The following COL4A1 variants were observed in gnomAD, a reference collection of about 807,000 sequenced individuals.
COL4A1 encodes collagen alpha-1(IV) chain.
In COL4A1, 40 loss-of-function variants were observed where a neutral mutation model predicts 216.6. That is an observed-to-expected ratio of 0.18 (90% CI 0.14 to 0.24). The LOEUF (loss-of-function observed/expected upper bound fraction) is 0.24. Among genes scored for constraint, COL4A1 ranks in the 10% least tolerant of loss-of-function variants. COL4A1 has a pLI of 1.00. For missense variants in COL4A1, 1,628 were observed against 2,196.8 expected (o/e 0.74, Z 5.18); for synonymous variants, 839 against 810.7 (o/e 1.03, Z -0.59).
chr13:110,260,961 C>T (rs188106917), intron 1 of COL4A1, among the ~76,000 whole-genome samples: 11 of 129,980 alleles, frequency 8.5e-5, no homozygotes, highest in Admixed American at 3.9e-4. Context: ...GGCGTGAACC[C>T]GAGAAGTGGA....
chr13:110,266,164 A>G (rs1483863096), intron 1 of COL4A1: 1 of 152,252 alleles, frequency 6.6e-6, no homozygotes, highest in African/African-American at 2.4e-5. Flanking sequence ...CACACAGCGA[A>G]AGATCGCCAC....
At chr13:110,214,595 A>G (rs564024026) in intron 2 of COL4A1, among the ~76,000 whole-genome samples, 1 of 152,268 alleles carries the variant, frequency 6.6e-6, no homozygotes, top group Admixed American at 6.5e-5. Flanking sequence ...AAAAGGCAGA[A>G]GAGAGGCCAA....
intron 15 of COL4A1, among the ~76,000 whole-genome samples, 181 bp from the exon 16 acceptor site, chr13:110,205,719 T>C (rs921980179): frequency 2.0e-5 from 3 of 151,936 alleles, no homozygotes; most frequent in Non-Finnish European, 4.4e-5. Flanking sequence ...AAAAATTAGC[T>C]GGGTGTGGTG....
chr13:110,228,845 G>T (rs181845283), intron 2 of COL4A1, among the ~76,000 whole-genome samples: 2 of 152,196 alleles, frequency 1.3e-5, no homozygotes, highest in African/African-American at 4.8e-5. Flanking sequence ...CAGATAAAAT[G>T]ATTTTAGGAA....
At chr13:110,161,914 T>C (rs1274506739) in intron 48 of COL4A1, 3 of 423,102 alleles carry the variant, frequency 7.1e-6, no homozygotes, top group Non-Finnish European at 8.7e-6. Flanking sequence ...AATTGTTAAG[T>C]GCACTCCAGG....
intron 2 of COL4A1, among the ~76,000 whole-genome samples, chr13:110,224,026 T>G (rs1220175504): frequency 2.0e-5 from 3 of 152,084 alleles, no homozygotes; most frequent in African/African-American, 7.2e-5. Flanking sequence ...AAAATATATA[T>G]GGAATACTAT....
intron 2 of COL4A1, among the ~76,000 whole-genome samples, chr13:110,237,221 G>A (rs1049094738): frequency 1.1e-4 from 16 of 152,216 alleles, no homozygotes; most frequent in Admixed American, 9.2e-4. Context: ...ATTCTGAGCC[G>A]TGTCTTCAGC....
At chr13:110,254,630 A>T (rs1336731142) in intron 1 of COL4A1, among the ~76,000 whole-genome samples, 1 of 152,132 alleles carries the variant, frequency 6.6e-6, no homozygotes, top group Non-Finnish European at 1.5e-5. Context: ...CAGTAGGACC[A>T]CTTTTTTTCC....
intron 1 of COL4A1, among the ~76,000 whole-genome samples, chr13:110,249,029 A>G (rs540435874): frequency 4.6e-5 from 7 of 152,162 alleles, no homozygotes; most frequent in African/African-American, 1.7e-4. Flanking sequence ...GGCTCTCCCC[A>G]GCTCCATGGA....
chr13:110,260,848 G>A (rs1467050846), intron 1 of COL4A1, among the ~76,000 whole-genome samples: 1 of 151,888 alleles, frequency 6.6e-6, no homozygotes, highest in East Asian at 1.9e-4. Context: ...AGGAGATGGA[G>A]ACCACGGTGA....
At chr13:110,192,140 A>T (rs1248848372) in intron 24 of COL4A1, 74 bp downstream of exon 24, 1 of 1,508,894 alleles carries the variant, frequency 6.6e-7, no homozygotes, top group African/African-American at 1.4e-5. Flanking sequence ...TTGCAAATGC[A>T]AAACGACACA....
intron 1 of COL4A1, among the ~76,000 whole-genome samples, chr13:110,282,649 T>C (rs1436134462): frequency 6.6e-6 from 1 of 152,184 alleles, no homozygotes; most frequent in East Asian, 1.9e-4. Context: ...TAACTGTGTG[T>C]CCTACCCTGG....
At position 110,307,072 on chromosome 13, in the gene COL4A1, G is replaced by A. The variant is rs1218152662; in HGVS notation, c.-45C>T. ...CGAGGGACGGCTGCCCGGCGTGCGG[G>A]GGCCGCGGCGGACAGCTAGCTCTCG... On this transcript the variant is annotated 5_prime_UTR_variant, in exon 1 of 52. Transcript: ENST00000375820. The surrounding 1 kb of genome is among the most constrained non-coding windows in gnomAD (Gnocchi z 5.0). 1.2e-5 allele frequency: 17 copies of A among 1,383,030 alleles called. No individual in the cohort carries two copies. Among genetic ancestry groups the A allele is most frequent in the Non-Finnish European group, 1.6e-5 (17 of 1,061,548 alleles). The allele number at this position is 1,383,030 out of a possible 1,614,324, so 85.7% of individuals were successfully genotyped here.
At chr13:110,210,337 C>G (rs564184022) in intron 8 of COL4A1, 125 bp from the exon 9 acceptor site, 1 of 878,238 alleles carries the variant, frequency 1.1e-6, no homozygotes, top group East Asian at 2.6e-5. Flanking sequence ...GATTTAGACC[C>G]CGTCTACACT....
intron 24 of COL4A1, among the ~76,000 whole-genome samples, chr13:110,188,404 C>T (rs1878492378): frequency 6.6e-6 from 1 of 152,230 alleles, no homozygotes; most frequent in African/African-American, 2.4e-5. Context: ...AATCTTTAGA[C>T]TGAAAATATG....
At chr13:110,273,504 C>T (rs768890927) in intron 1 of COL4A1, among the ~76,000 whole-genome samples, 2 of 152,216 alleles carry the variant, frequency 1.3e-5, no homozygotes, top group Non-Finnish European at 2.9e-5. Context: ...AGTCTTCAGA[C>T]AGCCGAGCTC....
intron 1 of COL4A1, among the ~76,000 whole-genome samples, chr13:110,283,597 C>T (rs1462410928): frequency 6.6e-6 from 1 of 152,238 alleles, no homozygotes; most frequent in Non-Finnish European, 1.5e-5. Context: ...CACTCCCTCA[C>T]ATACAGGCAC....
In COL4A1 at chr13:110,161,186, A is replaced by G; in HGVS notation, c.4640+6T>C. On this transcript the variant is annotated splice_donor_region_variant and intron_variant, in intron 49 of 51. Transcript: ENST00000375820. ...TTGCATTTGTTCCTACAGATGCTCG[A>G]CTCACCTACTAATAAATGGTCTTAT... is the stretch of plus-strand genomic sequence containing the variant. 7 of 1,613,986 alleles carry G rather than the reference A, an allele frequency of 4.3e-6. No individual in the cohort carries two copies. Among genetic ancestry groups the G allele is most frequent in the Non-Finnish European group, 5.9e-6 (7 of 1,179,916 alleles).
intron 1 of COL4A1, among the ~76,000 whole-genome samples, chr13:110,272,089 C>T (rs1883264933): frequency 6.6e-6 from 1 of 152,166 alleles, no homozygotes; most frequent in Non-Finnish European, 1.5e-5. Context: ...CCAGAAATTT[C>T]TGGTCATAGC....
Sources: allele counts gnomAD v4.1 joint callset (sites outside exome capture counted in the v4.1 genomes callset), GRCh38; gene constraint gnomAD v4.1.1; non-coding constraint Gnocchi (gnomAD v3.1); transcripts MANE v1.5; gene names NCBI Gene and HGNC (gene_info 2026-07-23, HGNC 2026-07-21).